The following RALGPS1 variants were observed in gnomAD, a reference collection of about 807,000 sequenced individuals.
The protein encoded by RALGPS1 is Ral GEF with PH domain and SH3 binding motif 1.
RALGPS1 carries 19 observed loss-of-function variants against 78.8 expected under a neutral mutation model. That is an observed-to-expected ratio of 0.24 (90% CI 0.17 to 0.35). The LOEUF is 0.35. RALGPS1 is among the 10% of genes least tolerant of loss of function. The pLI, the probability that RALGPS1 is intolerant of heterozygous loss-of-function variation, is 1.00. For missense variants in RALGPS1, 454 were observed against 688.3 expected (o/e 0.66, Z 3.81); for synonymous variants, 228 against 256.3 (o/e 0.89, Z 1.06).
intron 4 of RALGPS1, among the ~76,000 whole-genome samples, chr9:127,015,609 G>A (rs1256869124): frequency 6.6e-6 from 1 of 152,200 alleles, no homozygotes; most frequent in East Asian, 1.9e-4. Flanking sequence ...GGGGCTACAC[G>A]GTTTGGGTCT....
chr9:127,120,975 C>T (rs1322895142), intron 8 of RALGPS1, among the ~76,000 whole-genome samples: 2 of 152,138 alleles, frequency 1.3e-5, no homozygotes, highest in African/African-American at 2.4e-5. Flanking sequence ...TAGGCATGGG[C>T]GCCTAGCTTT....
At chr9:126,954,440 G>A (rs932250492) in intron 1 of RALGPS1, among the ~76,000 whole-genome samples, 2 of 152,140 alleles carry the variant, frequency 1.3e-5, no homozygotes, top group African/African-American at 4.8e-5. Flanking sequence ...CAGAGTAGCC[G>A]AAGTGATCTT....
intron 14 of RALGPS1, among the ~76,000 whole-genome samples, chr9:127,202,327 C>G (rs1438817349): frequency 6.6e-6 from 1 of 152,126 alleles, no homozygotes; most frequent in African/African-American, 2.4e-5. Flanking sequence ...TTTGCCTTCC[C>G]TGAGTTTATG....
intron 8 of RALGPS1, among the ~76,000 whole-genome samples, chr9:127,103,074 G>A (rs1443890722): frequency 6.6e-6 from 1 of 152,204 alleles, no homozygotes; most frequent in African/African-American, 2.4e-5. Flanking sequence ...GCCTACTGAA[G>A]CTGACCCAGC....
intron 4 of RALGPS1, chr9:127,016,994 A>G (rs1237499119): frequency 6.6e-6 from 1 of 152,244 alleles, no homozygotes; most frequent in Non-Finnish European, 1.5e-5. Context: ...ATTACTTCAA[A>G]TTGAGATGTT....
intron 3 of RALGPS1, among the ~76,000 whole-genome samples, chr9:126,974,285 C>T (rs1161698260): frequency 6.6e-6 from 1 of 152,200 alleles, no homozygotes; most frequent in Non-Finnish European, 1.5e-5. Context: ...TGACTCTTTT[C>T]TAAATTGCCG....
At position 127,212,699 on chromosome 9, in the gene RALGPS1, C is replaced by T. The variant is rs776124423; in HGVS notation, c.1426C>T (p.Arg476Trp). ...CCTGTACTACGGAGCCAAGTCCTTG[C>T]GGGGCACAGACAGAAAACACGTAAG... Reference protein sequence around the residue: ...TLLYYGAKSLRGTDRKHYKST... With the variant: ...TLLYYGAKSLWGTDRKHYKST... Residue 476 changes from arginine (R) to tryptophan (W), a missense_variant, in exon 16 of 19, where the codon CGG becomes TGG. Arg to Trp is a moderately radical substitution (Grantham distance 101). Transcript: ENST00000259351. This position sits in a 1 kb window ranked among gnomAD's most constrained non-coding sequence, Gnocchi z 6.0. 9 of 1,612,724 alleles carry T rather than the reference C, an allele frequency of 5.6e-6. No individual in the cohort carries two copies. The highest frequency in any genetic ancestry group is 1.7e-5 in the Admixed American group (1 of 59,962).
At chr9:127,216,628 G>A (rs1336507541) in intron 18 of RALGPS1, among the ~76,000 whole-genome samples, 1 of 152,216 alleles carries the variant, frequency 6.6e-6, no homozygotes, top group East Asian at 1.9e-4. Flanking sequence ...GTAGCTTCTA[G>A]AGAGCTTTAT....
Position 127,090,990 on chromosome 9 carries a change from G to T in RALGPS1, c.610+21634G>T, listed in dbSNP as rs189660273. 2.7e-3 allele frequency among the ~76,000 whole-genome samples: 416 copies of T among 152,276 alleles called. 2 individuals are homozygous for T. Among genetic ancestry groups the T allele is most frequent in the African/African-American group, 9.6e-3 (397 of 41,542 alleles). ...GTAAAGACCTAGATTTGAAGCATGT[G>T]ATCTTAGACAAATCACTTTCTCTCT... On this transcript the variant is annotated intron_variant, in intron 8 of 18. Transcript: ENST00000259351.
intron 8 of RALGPS1, among the ~76,000 whole-genome samples, chr9:127,150,181 C>T (rs1408074922): frequency 6.6e-6 from 1 of 152,232 alleles, no homozygotes. Context: ...CTTGTGACCA[C>T]GGTCACCATT....
chr9:127,079,866 G>C (rs145663159), intron 8 of RALGPS1: 1 of 152,302 alleles, frequency 6.6e-6, no homozygotes, highest in African/African-American at 2.4e-5. Context: ...CTAAGTTTCA[G>C]AATAATTTGT....
In RALGPS1 at chr9:127,182,563, G is replaced by A. The variant is rs144933104; in HGVS notation, c.910+7781G>A. Among the ~76,000 whole-genome samples the A allele has an allele frequency of 6.6e-3, 1,007 of 151,892 alleles. 12 individuals carry two copies. The highest frequency in any genetic ancestry group is 0.023 in the African/African-American group (964 of 41,408). On this transcript the variant is annotated intron_variant, in intron 11 of 18. Coordinates refer to ENST00000259351, the MANE Select transcript of RALGPS1 (RefSeq NM_014636.3). ...TCCTGCCTCAGCCTCCCGAGTAGCT[G>A]GGATTACAGTCGCCCGCCACCATGC...
At position 127,205,183 on chromosome 9, in the gene RALGPS1, G is replaced by T. The variant is rs1244775806; in HGVS notation, c.1247+6117G>T. 6.6e-6 allele frequency among the ~76,000 whole-genome samples: 1 copy of T among 152,210 alleles called. No individual in the cohort carries two copies. Among genetic ancestry groups the T allele is most frequent in the Admixed American group, 6.5e-5 (1 of 15,284 alleles). ...CAGTTGGCCTATCTCTCCTGCATGAGACTCAGAGACACTGAGCCCTGGGCC... is the reference window on the plus strand; with the variant it reads ...CAGTTGGCCTATCTCTCCTGCATGATACTCAGAGACACTGAGCCCTGGGCC... On this transcript the variant is annotated intron_variant, in intron 14 of 18. Coordinates refer to ENST00000259351, the MANE Select transcript of RALGPS1 (RefSeq NM_014636.3). The surrounding 1 kb of genome is among the most constrained non-coding windows in gnomAD (Gnocchi z 4.0).
chr9:126,980,823 A>C (rs1457299349), intron 4 of RALGPS1, among the ~76,000 whole-genome samples: 1 of 151,874 alleles, frequency 6.6e-6, no homozygotes, highest in African/African-American at 2.4e-5. Flanking sequence ...GTGTAGCCTG[A>C]CTCCTGCACT....
chr9:127,169,561 A>G (rs1180780874), intron 10 of RALGPS1, among the ~76,000 whole-genome samples: 1 of 152,100 alleles, frequency 6.6e-6, no homozygotes, highest in African/African-American at 2.4e-5. Context: ...ACTTTTTCAT[A>G]TGACCTGGTA....
At chr9:127,161,557 A>T (rs933267531) in intron 8 of RALGPS1, among the ~76,000 whole-genome samples, 1 of 152,120 alleles carries the variant, frequency 6.6e-6, no homozygotes, top group African/African-American at 2.4e-5. Context: ...GACACTGATG[A>T]TGGGACCTGG....
intron 1 of RALGPS1, among the ~76,000 whole-genome samples, chr9:126,936,628 C>T (rs2036284622): frequency 6.6e-6 from 1 of 151,756 alleles, no homozygotes; most frequent in Admixed American, 6.6e-5. Context: ...TATCTCCAGA[C>T]TATTAAAGGG....
At chr9:126,952,153 TC>T (rs1191343635) in intron 1 of RALGPS1, among the ~76,000 whole-genome samples, 19 of 152,314 alleles carry the variant, frequency 1.2e-4, no homozygotes, top group Non-Finnish European at 1.5e-5. Flanking sequence ...TATCGCTTGT[TC>T]CTAGTACCTG....
intron 10 of RALGPS1, among the ~76,000 whole-genome samples, chr9:127,174,025 G>A (rs1210123467): frequency 6.6e-6 from 1 of 151,908 alleles, no homozygotes; most frequent in Non-Finnish European, 1.5e-5. Context: ...AAAAGGGGAG[G>A]CCGAGGCGGG....
Sources: allele counts gnomAD v4.1 joint callset (sites outside exome capture counted in the v4.1 genomes callset), GRCh38; gene constraint gnomAD v4.1.1; non-coding constraint Gnocchi (gnomAD v3.1); transcripts MANE v1.5; gene names NCBI Gene and HGNC (gene_info 2026-07-23, HGNC 2026-07-21).